CUX2: variants seen among roughly 807,000 people sequenced by gnomAD.
The protein encoded by CUX2 is cut like homeobox 2.
Under a neutral mutation model 144.8 loss-of-function variants are expected in CUX2, and 40 were observed. The observed-to-expected ratio is 0.28, with a 90% CI of 0.21 to 0.36. The LOEUF (loss-of-function observed/expected upper bound fraction) is 0.36. Ranked by LOEUF, CUX2 falls within the 10% of genes least tolerant of loss-of-function variation. CUX2 has a pLI of 1.00. For missense variants in CUX2, 1,615 were observed against 1,994.0 expected (o/e 0.81, Z 3.62); for synonymous variants, 827 against 875.6 (o/e 0.94, Z 0.98).
chr12:111,139,582 C>T (rs560518759), intron 1 of CUX2, among the ~76,000 whole-genome samples: 3 of 152,314 alleles, frequency 2.0e-5, no homozygotes, highest in Non-Finnish European at 4.4e-5. Context: ...CTGGCTTTAT[C>T]TGATCCAGCA....
chr12:111,198,931 A>G (rs1378309662), intron 1 of CUX2, among the ~76,000 whole-genome samples: 1 of 152,212 alleles, frequency 6.6e-6, no homozygotes, highest in African/African-American at 2.4e-5. Flanking sequence ...CCCAGTGAGA[A>G]GTCTGATTTC....
At chr12:111,100,277 C>T (rs76281754) in intron 1 of CUX2, among the ~76,000 whole-genome samples, 36 of 151,870 alleles carry the variant, frequency 2.4e-4, no homozygotes, top group Non-Finnish European at 4.7e-4. Context: ...GTGTCCAGCT[C>T]GATGTATGCG....
chr12:111,220,743 C>CAAAAAAAAAAAAAA (rs549438290), intron 3 of CUX2, among the ~76,000 whole-genome samples: 2 of 39,106 alleles, frequency 5.1e-5, no homozygotes, highest in African/African-American at 2.1e-4. Flanking sequence ...CTCATCTCTG[C>CAAAAAAAAAAAAAA]AAAAAAAAAA....
rs904936688 is a variant in CUX2 at position 111,304,184 on chromosome 12, C to T, written c.754-26C>T. 8.3e-6 allele frequency: 13 copies of T among 1,574,020 alleles called. No individual in the cohort carries two copies. Among genetic ancestry groups the T allele is most frequent in the African/African-American group, 2.7e-5 (2 of 74,312 alleles). On this transcript the variant is annotated intron_variant, in intron 9 of 21. Transcript: ENST00000261726. The surrounding 1 kb of genome is among the most constrained non-coding windows in gnomAD (Gnocchi z 4.7). ...GGAAGTGCAGAGTGGGCTCACCTCT[C>T]GCCCACACTGTCCCCTTCTCCCCAG...
Position 111,266,473 on chromosome 12 carries a change from CAA to C in CUX2, c.301+2649_301+2650del, listed in dbSNP as rs57419229. On this transcript the variant is annotated intron_variant, in intron 4 of 21. Coordinates refer to ENST00000261726, the MANE Select transcript of CUX2 (RefSeq NM_015267.4). ...GTGACAGAGCAAGACCCTGTCTCAA[CAA>C]AAAAAAAAAAAAAAGAGACGAGGGT... 9.7e-4 allele frequency among the ~76,000 whole-genome samples: 91 copies of C among 93,336 alleles called. 1 individual carries two copies. The South Asian group carries it at 0.014, about 15-fold the overall frequency. 61.2% of individuals were successfully genotyped at this position (93,336 alleles called of 152,430 possible). A position where few individuals can be genotyped will look rare whatever the true frequency, so the allele number is the denominator to read the frequency against.
At chr12:111,163,291 CA>C (rs1877903618) in intron 1 of CUX2, among the ~76,000 whole-genome samples, 1 of 152,190 alleles carries the variant, frequency 6.6e-6, no homozygotes, top group Non-Finnish European at 1.5e-5. Flanking sequence ...GGTTTTTCTG[CA>C]AATGGCCAGA....
chr12:111,116,824 T>C lies in CUX2; in HGVS notation c.63+82584T>C, dbSNP rs138960020. Among the ~76,000 whole-genome samples, 170 of 152,342 alleles carry C rather than the reference T, an allele frequency of 1.1e-3. 1 individual carries two copies. Among genetic ancestry groups the C allele is most frequent in the African/African-American group, 3.5e-3 (147 of 41,586 alleles). On this transcript the variant is annotated intron_variant, in intron 1 of 21. Coordinates refer to ENST00000261726, the MANE Select transcript of CUX2 (RefSeq NM_015267.4). Reference sequence around the variant, plus strand: ...ATCACAACCAGAGATCATAATTTCCTCCAACAATAATAGCTTATGTTTCTA... The same window carrying C: ...ATCACAACCAGAGATCATAATTTCCCCCAACAATAATAGCTTATGTTTCTA...
rs1415677380 is a variant in CUX2, at chr12:111,254,405, C to A, written c.223-9356C>A. On this transcript the variant is annotated intron_variant, in intron 3 of 21. Transcript: ENST00000261726. ...GTGCACCCCGTGCCCATCATCATTG[C>A]AGGTTGAGGCATAGAGGGCAGAATC... Among the ~76,000 whole-genome samples, 5 of 152,302 alleles carry A rather than the reference C, an allele frequency of 3.3e-5. No homozygotes were observed. In the South Asian group the frequency reaches 6.2e-4, roughly 19 times the overall value.
chr12:111,242,240 G>A (rs926032495), intron 3 of CUX2, among the ~76,000 whole-genome samples: 3 of 152,244 alleles, frequency 2.0e-5, no homozygotes, highest in Admixed American at 6.5e-5. Flanking sequence ...TCTTACAGGG[G>A]AGGAAACCTT....
At chr12:111,300,267 C>A (rs146162497) in intron 9 of CUX2, among the ~76,000 whole-genome samples, 1 of 152,180 alleles carries the variant, frequency 6.6e-6, no homozygotes, top group Admixed American at 6.5e-5. Flanking sequence ...ACTACAGGCA[C>A]GCACCACCAC....
intron 1 of CUX2, among the ~76,000 whole-genome samples, chr12:111,124,029 G>A (rs1874879233): frequency 6.6e-6 from 1 of 152,148 alleles, no homozygotes; most frequent in African/African-American, 2.4e-5. Context: ...CCATTTCAGA[G>A]TGAACAATTC....
intron 1 of CUX2, among the ~76,000 whole-genome samples, chr12:111,073,335 A>G (rs909213644): frequency 1.3e-5 from 2 of 152,122 alleles, no homozygotes; most frequent in African/African-American, 4.8e-5. Context: ...GCGGCATTAC[A>G]GTTTGTTGTC....
intron 16 of CUX2, among the ~76,000 whole-genome samples, chr12:111,316,330 G>A (rs2136388686): frequency 6.7e-6 from 1 of 148,338 alleles, no homozygotes; most frequent in South Asian, 2.1e-4. Flanking sequence ...ATTTTTAGTA[G>A]AGACGGGGTT....
chr12:111,037,096 T>C lies in CUX2; in HGVS notation c.63+2856T>C, dbSNP rs2135998416. Reference sequence around the variant, plus strand: ...GCCAGAAAGGAGAACTTCTGCCGGCTTTTTCTGAGATCCAGGTAGGAGAGG... The same window carrying C: ...GCCAGAAAGGAGAACTTCTGCCGGCCTTTTCTGAGATCCAGGTAGGAGAGG... On this transcript the variant is annotated intron_variant, in intron 1 of 21. Coordinates refer to ENST00000261726, the MANE Select transcript of CUX2 (RefSeq NM_015267.4). The surrounding 1 kb of genome is among the most constrained non-coding windows in gnomAD (Gnocchi z 5.4). Among the ~76,000 whole-genome samples, 1 of 152,258 alleles carries C rather than the reference T, an allele frequency of 6.6e-6. No homozygotes were observed. Among genetic ancestry groups the C allele is most frequent in the East Asian group, 1.9e-4 (1 of 5,182 alleles).
intron 18 of CUX2, among the ~76,000 whole-genome samples, chr12:111,330,008 G>C (rs183477519): frequency 9.1e-6 from 1 of 110,296 alleles, no homozygotes; most frequent in East Asian, 1.9e-4. Context: ...ACCTAGGACA[G>C]ACTCTCACTT....
At chr12:111,049,624 C>A (rs1428863618) in intron 1 of CUX2, among the ~76,000 whole-genome samples, 4 of 152,136 alleles carry the variant, frequency 2.6e-5, no homozygotes, top group Admixed American at 1.3e-4. Context: ...ACGTGTAGTT[C>A]TCCCCTCCTT....
chr12:111,225,017 C>T (rs531478078), intron 3 of CUX2, among the ~76,000 whole-genome samples: 20 of 152,260 alleles, frequency 1.3e-4, no homozygotes, highest in African/African-American at 4.3e-4. Flanking sequence ...GTGATCCTCC[C>T]ACCTCAGCCT....
intron 1 of CUX2, among the ~76,000 whole-genome samples, chr12:111,201,083 G>A (rs1047467749): frequency 1.3e-5 from 2 of 152,078 alleles, no homozygotes; most frequent in Non-Finnish European, 2.9e-5. Context: ...CACCCTGGCC[G>A]CCCCTCGTTT....
intron 1 of CUX2, among the ~76,000 whole-genome samples, chr12:111,052,298 A>C (rs1870308705): frequency 6.6e-6 from 1 of 152,176 alleles, no homozygotes; most frequent in African/African-American, 2.4e-5. Context: ...CAGGTGTCAG[A>C]CATAGCTCTG....
Sources: allele counts gnomAD v4.1 joint callset (sites outside exome capture counted in the v4.1 genomes callset), GRCh38; gene constraint gnomAD v4.1.1; non-coding constraint Gnocchi (gnomAD v3.1); transcripts MANE v1.5; gene names NCBI Gene and HGNC (gene_info 2026-07-23, HGNC 2026-07-21).